The following TMEFF2 variants were observed in gnomAD, a reference collection of about 807,000 sequenced individuals.
The protein encoded by TMEFF2 is transmembrane protein with EGF like and two follistatin like domains 2, also known as tomoregulin-2.
In TMEFF2, 28 loss-of-function variants were observed where a neutral mutation model predicts 53.8. The observed-to-expected ratio is 0.52, with a 90% confidence interval of 0.39 to 0.71. The LOEUF is 0.71. Among genes scored for constraint, TMEFF2 ranks in the 30% least tolerant of loss-of-function variants. TMEFF2 has a pLI of 0.00. For missense variants in TMEFF2, 353 were observed against 455.2 expected (o/e 0.78, Z 2.04); for synonymous variants, 162 against 166.3 (o/e 0.97, Z 0.20).
intron 4 of TMEFF2, among the ~76,000 whole-genome samples, chr2:192,103,533 T>C (rs973516751): frequency 4.6e-5 from 7 of 152,120 alleles, no homozygotes; most frequent in African/African-American, 1.7e-4. Context: ...GCCTTCCTAC[T>C]TTATCTTGTT....
chr2:191,960,027 G>T (rs1020700992), intron 7 of TMEFF2, among the ~76,000 whole-genome samples: 2 of 151,974 alleles, frequency 1.3e-5, no homozygotes, highest in Non-Finnish European at 2.9e-5. Flanking sequence ...TAGGCATGTG[G>T]GACTAGCTAA....
intron 7 of TMEFF2, among the ~76,000 whole-genome samples, chr2:191,982,618 GACTA>G (rs1477006674): frequency 6.6e-6 from 1 of 152,000 alleles, no homozygotes; most frequent in Non-Finnish European, 1.5e-5. Context: ...CAATTTGACT[GACTA>G]GCTAGTTTTA....
rs1247980557 is a variant in TMEFF2, at chr2:191,964,356, CT to C, written c.746-7979del. On this transcript the variant is annotated intron_variant, in intron 7 of 9. Transcript: ENST00000272771. Reference sequence around the variant, plus strand: ...TCCTTCTTTCTTTCTTTCTTTCTTTCTTTCTTTCTTTCTTTCTCTTTCTTTC... The same window carrying C: ...TCCTTCTTTCTTTCTTTCTTTCTTTCTTCTTTCTTTCTTTCTCTTTCTTTC... 9.7e-3 allele frequency among the ~76,000 whole-genome samples: 1,031 copies of C among 106,342 alleles called. 33 individuals carry two copies. Among genetic ancestry groups the C allele is most frequent in the African/African-American group, 0.038 (933 of 24,722 alleles). The allele number at this position is 106,342 out of a possible 152,430, so 69.8% of individuals were successfully genotyped here. A position where few individuals can be genotyped will look rare whatever the true frequency, so the allele number is the denominator to read the frequency against.
intron 8 of TMEFF2, among the ~76,000 whole-genome samples, chr2:191,955,096 G>T (rs1033967634): frequency 7.6e-6 from 1 of 131,692 alleles, no homozygotes; most frequent in Non-Finnish European, 1.6e-5. Flanking sequence ...AGTATATTTT[G>T]TGGAGGGAAA....
intron 5 of TMEFF2, among the ~76,000 whole-genome samples, chr2:192,004,325 A>ATGGG (rs1686446330): frequency 6.6e-6 from 1 of 152,238 alleles, no homozygotes; most frequent in Non-Finnish European, 1.5e-5. Context: ...TGATGGCATC[A>ATGGG]AAGTCCAACT....
Position 191,949,776 on chromosome 2 carries a change from GATGATTCA to G in TMEFF2, c.*527_*534del, listed in dbSNP as rs1691813111. 6 of 985,190 alleles carry G rather than the reference GATGATTCA, an allele frequency of 6.1e-6. No individual in the cohort carries two copies. Among genetic ancestry groups the G allele is most frequent in the Non-Finnish European group, 7.2e-6 (6 of 829,752 alleles). The allele number at this position is 985,190 out of a possible 1,614,324, so 61.0% of individuals were successfully genotyped here. A position where few individuals can be genotyped will look rare whatever the true frequency, so the allele number is the denominator to read the frequency against. On this transcript the variant is annotated 3_prime_UTR_variant, in exon 10 of 10. Coordinates refer to ENST00000272771, the MANE Select transcript of TMEFF2 (RefSeq NM_016192.4). The stretch of plus-strand genomic sequence containing the variant: ...CAGGGAAGAAAGTTGATGAAATAGA[GATGATTCA>G]AAGATCGGAAATATTTTATCCTCAC...
intron 2 of TMEFF2, among the ~76,000 whole-genome samples, chr2:192,185,940 C>T (rs1691300967): frequency 6.6e-6 from 1 of 151,938 alleles, no homozygotes; most frequent in Admixed American, 6.6e-5. Flanking sequence ...ACAGTAAACC[C>T]AAATGGTATG....
rs531218448 is a variant in TMEFF2 at position 192,143,570 on chromosome 2, A to T, written c.439+36098T>A. ...ATTTGCCTAATTTACATATATTGCA[A>T]ATTTGGTATTTATTCATTTTTTTAA... is the stretch of plus-strand genomic sequence containing the variant. On this transcript the variant is annotated intron_variant, in intron 4 of 9. Coordinates refer to ENST00000272771, the MANE Select transcript of TMEFF2 (RefSeq NM_016192.4). Among the ~76,000 whole-genome samples, 357 of 152,230 alleles carry T rather than the reference A, an allele frequency of 2.3e-3. 1 individual carries two copies. Among genetic ancestry groups the T allele is most frequent in the African/African-American group, 8.0e-3 (334 of 41,552 alleles).
intron 5 of TMEFF2, chr2:192,029,110 C>G (rs964848096): frequency 1.6e-4 from 1 of 6,140 alleles, no homozygotes; most frequent in Non-Finnish European, 3.1e-3. Flanking sequence ...TGGCATCCAC[C>G]TCTTCTCCCC....
At chr2:192,036,249 T>C (rs988632111) in intron 5 of TMEFF2, 6 of 152,250 alleles carry the variant, frequency 3.9e-5, no homozygotes, top group African/African-American at 1.4e-4. Flanking sequence ...CATATCCATA[T>C]TTCCAGAAGT....
intron 4 of TMEFF2, among the ~76,000 whole-genome samples, chr2:192,133,781 G>A (rs905445035): frequency 5.3e-5 from 8 of 152,182 alleles, no homozygotes; most frequent in Admixed American, 2.6e-4. Flanking sequence ...ACTGCCGCAA[G>A]GCTTCACAGA....
At chr2:192,039,045 G>GCC (rs535459438) in intron 5 of TMEFF2, among the ~76,000 whole-genome samples, 1 of 150,896 alleles carries the variant, frequency 6.6e-6, no homozygotes, top group Non-Finnish European at 1.5e-5. Flanking sequence ...GATATTTCCC[G>GCC]CCCCCCCCAT....
At chr2:192,037,445 T>TAAGGCAGGTCCTTCTGCCTTAGAAGGA (rs1687347293) in intron 5 of TMEFF2, among the ~76,000 whole-genome samples, 2 of 151,726 alleles carry the variant, frequency 1.3e-5, no homozygotes, top group African/African-American at 4.8e-5. Flanking sequence ...AAGGAATTTC[T>TAAGGCAGGTCCTTCTGCCTTAGAAGGA]AAGGCAGGTC....
intron 5 of TMEFF2, chr2:192,029,268 G>A (rs952331672): frequency 1.3e-5 from 2 of 151,958 alleles, no homozygotes; most frequent in Non-Finnish European, 2.9e-5. Flanking sequence ...GCTTGCAAGT[G>A]GATCTTCCCC....
chr2:192,179,620 A>G, intron 4 of TMEFF2, 48 bp downstream of exon 4: 1 of 1,533,306 alleles, frequency 6.5e-7, no homozygotes, highest in African/African-American at 1.4e-5. Flanking sequence ...AATATACATA[A>G]TAATATCCAC....
chr2:192,152,471 A>G (rs900888169), intron 4 of TMEFF2, among the ~76,000 whole-genome samples: 1 of 151,912 alleles, frequency 6.6e-6, no homozygotes, highest in Non-Finnish European at 1.5e-5. Context: ...AGGGTCATGA[A>G]AAAAAAGGAT....
At position 192,108,167 on chromosome 2, in the gene TMEFF2, C is replaced by T. The variant is rs1689194838; in HGVS notation, c.440-50392G>A. 2.0e-5 allele frequency among the ~76,000 whole-genome samples: 3 copies of T among 151,796 alleles called. No individual in the cohort carries two copies. The South Asian group carries it at 6.2e-4, about 31-fold the overall frequency. On this transcript the variant is annotated intron_variant, in intron 4 of 9. Transcript: ENST00000272771. The stretch of plus-strand genomic sequence containing the variant: ...AGCAGGCAATTAACTCTGATATTTT[C>T]CATAGACAAATTACTAATCTAGCCA...
chr2:192,111,018 C>G (rs192257705), intron 4 of TMEFF2, among the ~76,000 whole-genome samples: 3 of 152,140 alleles, frequency 2.0e-5, no homozygotes, highest in South Asian at 2.1e-4. Flanking sequence ...TCCCTGGCCA[C>G]GTGTAACTGT....
rs73045740 is a variant in TMEFF2, at chr2:192,110,697, T to C, written c.440-52922A>G. On this transcript the variant is annotated intron_variant, in intron 4 of 9. Coordinates refer to ENST00000272771, the MANE Select transcript of TMEFF2 (RefSeq NM_016192.4). The stretch of plus-strand genomic sequence containing the variant: ...CATTTATTGCTGTTTCTTTTTAACA[T>C]AGCTGAATGAAGTCTTGTTAAGATG... Among the ~76,000 whole-genome samples, 383 of 152,326 alleles carry C rather than the reference T, an allele frequency of 2.5e-3. 1 individual carries two copies. Among genetic ancestry groups the C allele is most frequent in the African/African-American group, 8.8e-3 (366 of 41,574 alleles).
Sources: gnomAD v4.1 joint callset for allele counts (sites outside exome capture counted in the v4.1 genomes callset) on GRCh38, gnomAD v4.1.1 for gene constraint, MANE v1.5 for transcripts, NCBI Gene and HGNC (gene_info 2026-07-23, HGNC 2026-07-21) for gene names.